SSC5D: variants seen among roughly 807,000 people sequenced by gnomAD.
SSC5D encodes the protein soluble scavenger receptor cysteine-rich domain-containing protein SSC5D.
SSC5D carries 106 observed loss-of-function variants against 104.6 expected under a neutral mutation model. The observed-to-expected ratio is 1.01, with a 90% CI of 0.87 to 1.19. The LOEUF is 1.19. Ranked by LOEUF, SSC5D falls within the 50% of genes most tolerant of loss-of-function variation. The pLI is 0.00. For synonymous variants in SSC5D, 860 were observed against 883.5 expected (o/e 0.97, Z 0.47); for missense variants, 1,993 against 2,153.8 (o/e 0.93, Z 1.48).
At position 55,491,020 on chromosome 19, in the gene SSC5D, C is replaced by T. The variant is rs933559590; in HGVS notation, c.835C>T (p.Arg279Ter). The T allele has an allele frequency of 2.3e-5, 35 of 1,550,076 alleles. No homozygotes were observed. The highest frequency in any genetic ancestry group is 7.9e-5 in the Admixed American group (4 of 50,928). ...AGAACAGGCCCTCCGAGACTGCCCC[C>T]GAAGCCCCTGGGGCCGGAGCAACTG... ...GGEQALRDCPRSPWGRSNCDH... is the reference protein window; with the variant it reads ...GGEQALRDCP Residue 279 changes from arginine (R) to a stop codon, truncating the protein, a stop_gained, in exon 6 of 14, where the codon CGA becomes TGA. Transcript: ENST00000389623. LOFTEE classifies it high-confidence loss of function.
intron 13 of SSC5D, among the ~76,000 whole-genome samples, chr19:55,516,361 G>T (rs997853539): frequency 1.3e-5 from 2 of 152,106 alleles, no homozygotes; most frequent in Admixed American, 6.5e-5. Context: ...GCCTGGTGTG[G>T]TGGCGGGCGC....
At chr19:55,510,941 G>A (rs1987743240) in intron 12 of SSC5D, among the ~76,000 whole-genome samples, 1 of 152,078 alleles carries the variant, frequency 6.6e-6, no homozygotes, top group South Asian at 2.1e-4. Flanking sequence ...ACCATGCCCA[G>A]CTAATTTTTG....
rs61340967 is a variant in SSC5D at position 55,507,665 on chromosome 19, CAAAAAAAAAAA to C, written c.2786-5333_2786-5323del. On this transcript the variant is annotated intron_variant, in intron 12 of 13. Coordinates refer to ENST00000389623, the MANE Select transcript of SSC5D (RefSeq NM_001144950.2). Reference sequence around the variant, plus strand: ...TGGGTGACAGAGCGAGACTCCGTCTCAAAAAAAAAAAAAAAAAAAAAAAGAAAAAAAGAGAC... The same window carrying C: ...TGGGTGACAGAGCGAGACTCCGTCTCAAAAAAAAAAAAGAAAAAAAGAGAC... 6.6e-5 allele frequency among the ~76,000 whole-genome samples: 5 copies of C among 75,966 alleles called. No homozygotes were observed. The South Asian group carries it at 1.7e-3, about 26-fold the overall frequency. The allele number at this position is 75,966 out of a possible 152,430, so 49.8% of individuals were successfully genotyped here.
Position 55,518,802 on chromosome 19 carries a change from A to G in SSC5D, c.4526A>G (p.Gln1509Arg). 1 of 1,550,554 alleles carries G rather than the reference A, an allele frequency of 6.4e-7. No homozygotes were observed. Among genetic ancestry groups the G allele is most frequent in the Non-Finnish European group, 8.7e-7 (1 of 1,146,992 alleles). ...GGTGGTCAGCTGCAGAGACTGACCCAGGTCGTGGAACAGGAGCGGCAGGAG... is the reference window on the plus strand; with the variant it reads ...GGTGGTCAGCTGCAGAGACTGACCCGGGTCGTGGAACAGGAGCGGCAGGAG... Reference protein sequence around the residue: ...DVGGQLQRLTQVVEQERQERQ... With the variant: ...DVGGQLQRLTRVVEQERQERQ... The change falls in exon 14 of 14, where the codon CAG becomes CGG. Residue 1509 changes from glutamine (Q) to arginine (R), a missense_variant. This residue lies in a region of SSC5D where 349 missense variants were observed against 397.6 expected (regional missense o/e 0.88). Coordinates refer to ENST00000389623, the MANE Select transcript of SSC5D (RefSeq NM_001144950.2).
chr19:55,500,249 G>A lies in SSC5D; in HGVS notation c.2139G>A (p.Met713Ile). The A allele has an allele frequency of 6.4e-7, 1 of 1,551,162 alleles. No individual in the cohort carries two copies. The highest frequency in any genetic ancestry group is 8.7e-7 in the Non-Finnish European group (1 of 1,146,896). ...CCCGAGAACGGACCACTAAGACCATGGCAATGCTGACCACTCAAGGCCCCC... is the reference window on the plus strand; with the variant it reads ...CCCGAGAACGGACCACTAAGACCATAGCAATGCTGACCACTCAAGGCCCCC... The part of the protein sequence containing the change: ...QAPRERTTKT[M>I]AMLTTQGPQE... Residue 713 changes from methionine (M) to isoleucine (I), a missense_variant, in exon 10 of 14, where the codon ATG (methionine) becomes ATA (isoleucine). Met to Ile is a conservative substitution (Grantham distance 10, BLOSUM62 1). Transcript: ENST00000389623. The surrounding 1 kb of genome is among the most constrained non-coding windows in gnomAD (Gnocchi z 4.6).
chr19:55,500,580 A>C lies in SSC5D; in HGVS notation c.2393A>C (p.Asp798Ala). Residue 798 changes from aspartate (D) to alanine (A), a missense_variant, in exon 11 of 14, where the codon GAT becomes GCT. Asp to Ala is a moderately radical substitution (Grantham distance 126, BLOSUM62 -2). This residue lies in a region of SSC5D where 70 missense variants were observed against 107.1 expected (regional missense o/e 0.65). Transcript: ENST00000389623. This position sits in a 1 kb window ranked among gnomAD's most constrained non-coding sequence, Gnocchi z 4.6. ...WHAGRWGTVC[D>A]DNWDLRDATV... is the part of the protein sequence containing the mutation. ...GCCGGACGCTGGGGAACAGTGTGTG[A>C]TGACAACTGGGACCTGCGGGACGCC... 6.4e-7 allele frequency: 1 copy of C among 1,551,694 alleles called. No individual in the cohort carries two copies.
chr19:55,488,642 C>CG (rs1173726993), intron 1 of SSC5D, 28 bp downstream of exon 1: 5 of 1,546,760 alleles, frequency 3.2e-6, no homozygotes, highest in Non-Finnish European at 2.6e-6. Context: ...CTTGGGGACT[C>CG]GGGGGGCCTA....
chr19:55,489,317 GC>G, intron 2 of SSC5D, 36 bp from the exon 3 acceptor site: 2 of 1,421,492 alleles, frequency 1.4e-6, no homozygotes, highest in Admixed American at 3.2e-5. Context: ...CCCCCAGGAT[GC>G]CCCTCCCCAG....
chr19:55,490,050 C>A (rs1359443384), intron 4 of SSC5D, 55 bp downstream of exon 4: 17 of 1,328,962 alleles, frequency 1.3e-5, no homozygotes, highest in South Asian at 4.0e-5. Context: ...TCCTGCCCCC[C>A]CCGAGGGGAG....
At position 55,517,237 on chromosome 19, in the gene SSC5D, A is replaced by G. The variant is rs1987891500; in HGVS notation, c.2961A>G (p.Lys987=). 6.5e-7 allele frequency: 1 copy of G among 1,539,292 alleles called. No homozygotes were observed. Among genetic ancestry groups the G allele is most frequent in the Non-Finnish European group, 8.7e-7 (1 of 1,146,064 alleles). The change falls in exon 14 of 14, where the codon AAA becomes AAG. Residue 987 remains lysine, a synonymous_variant. Transcript: ENST00000389623. ...CTCCTCCTCCAGGTTCCCCGAGGAA[A>G]CCGTGGCCCGAGCGCCGGCCACCGC... ...RVHGDTGSPR[K]PWPERRPPRP... is the part of the protein sequence containing the mutation.
chr19:55,491,049 C>G lies in SSC5D; in HGVS notation c.864C>G (p.Asp288Glu). The G allele has an allele frequency of 6.5e-7, 1 of 1,550,220 alleles. No individual in the cohort carries two copies. The highest frequency in any genetic ancestry group is 8.7e-7 in the Non-Finnish European group (1 of 1,146,746). ...GCCCCTGGGGCCGGAGCAACTGTGACCACAGCGAGGATGCGGGGCTGGTCT... is the reference window on the plus strand; with the variant it reads ...GCCCCTGGGGCCGGAGCAACTGTGAGCACAGCGAGGATGCGGGGCTGGTCT... ...PRSPWGRSNC[D>E]HSEDAGLVCT... Residue 288 changes from aspartate (D) to glutamate (E), a missense_variant, in exon 6 of 14, where the codon GAC becomes GAG. Physicochemically the swap from Asp to Glu is conservative, Grantham distance 45 (BLOSUM62 2). Around this residue, in one of 6 missense-constraint regions of SSC5D, gnomAD observed 1,101 missense variants for 1,085.0 expected, o/e 1.01. Transcript: ENST00000389623.
intron 12 of SSC5D, chr19:55,504,269 T>C: frequency 2.0e-6 from 3 of 1,503,716 alleles, no homozygotes; most frequent in African/African-American, 1.4e-5. Flanking sequence ...TCGGGACCCC[T>C]CCCGTAGGGT....
chr19:55,506,373 ATTTTTTTTTTTTTTTTTTT>A (rs869296361), intron 12 of SSC5D, among the ~76,000 whole-genome samples: 46 of 72,066 alleles, frequency 6.4e-4, no homozygotes, highest in East Asian at 1.4e-3. Flanking sequence ...TGGAATTTGG[ATTTTTTTTTTTTTTTTTTT>A]TTTTTTTTTT....
At position 55,517,277 on chromosome 19, in the gene SSC5D, A is replaced by C; in HGVS notation, c.3001A>C (p.Arg1001=). ...ERRPPRPAAT[R]TAPPTPSPGP... ...CCGGCCACCGCGGCCCGCTGCGACC[A>C]GGACAGCGCCCCCAACCCCGTCCCC... The change falls in exon 14 of 14, where the codon AGG becomes CGG. Residue 1001 remains arginine, a synonymous_variant. Transcript: ENST00000389623. 2 of 1,546,868 alleles carry C rather than the reference A, an allele frequency of 1.3e-6. No homozygotes were observed. Among genetic ancestry groups the C allele is most frequent in the Non-Finnish European group, 1.7e-6 (2 of 1,146,612 alleles).
chr19:55,517,179 G>C (rs1467268947), intron 13 of SSC5D, 45 bp from the exon 14 acceptor site: 1 of 1,483,442 alleles, frequency 6.7e-7, no homozygotes, highest in Non-Finnish European at 9.0e-7. Flanking sequence ...GGTGGGCGGA[G>C]CCGGTTGACC....
In SSC5D at chr19:55,489,422, T is replaced by C; in HGVS notation, c.121T>C (p.Trp41Arg). 1 of 1,489,596 alleles carries C rather than the reference T, an allele frequency of 6.7e-7. No individual in the cohort carries two copies. Among genetic ancestry groups the C allele is most frequent in the Middle Eastern group, 1.9e-4 (1 of 5,138 alleles). 92.3% of individuals were successfully genotyped at this position (1,489,596 alleles called of 1,614,324 possible). ...GRLEVWHGGR[W>R]GTVCDDGWDL... ...CCTGGAGGTCTGGCATGGCGGGCGCTGGGGCACCGTGTGTGATGACGGCTG... is the reference window on the plus strand; with the variant it reads ...CCTGGAGGTCTGGCATGGCGGGCGCCGGGGCACCGTGTGTGATGACGGCTG... Residue 41 changes from tryptophan (W) to arginine (R), a missense_variant, in exon 3 of 14, where the codon TGG becomes CGG. This residue lies in a region of SSC5D where 1,101 missense variants were observed against 1,085.0 expected (regional missense o/e 1.01). Coordinates refer to ENST00000389623, the MANE Select transcript of SSC5D (RefSeq NM_001144950.2).
intron 12 of SSC5D, among the ~76,000 whole-genome samples, chr19:55,507,459 G>A (rs1194611281): frequency 1.3e-5 from 2 of 151,386 alleles, no homozygotes; most frequent in Non-Finnish European, 1.5e-5. Flanking sequence ...GAGGTCAGGA[G>A]TTCCAGACCA....
intron 13 of SSC5D, among the ~76,000 whole-genome samples, chr19:55,516,735 T>A (rs993700443): frequency 1.3e-4 from 20 of 149,210 alleles, no homozygotes; most frequent in African/African-American, 5.1e-4. Context: ...ACAGCCAGAC[T>A]TTATCTTAAA....
In SSC5D at chr19:55,488,648, G is replaced by A. The variant is rs376464390; in HGVS notation, c.25+34G>A. 8 of 1,543,626 alleles carry A rather than the reference G, an allele frequency of 5.2e-6. No homozygotes were observed. The Admixed American group carries it at 9.8e-5, about 19-fold the overall frequency. ...TCCATTCTCCTTGGGGACTCGGGGGGCCTAGGCCCCCACCTCTGACCCCTT... is the reference window on the plus strand; with the variant it reads ...TCCATTCTCCTTGGGGACTCGGGGGACCTAGGCCCCCACCTCTGACCCCTT... On this transcript the variant is annotated intron_variant, in intron 1 of 13. Transcript: ENST00000389623.
Sources: allele counts gnomAD v4.1 joint callset (sites outside exome capture counted in the v4.1 genomes callset), GRCh38; gene constraint gnomAD v4.1.1; regional missense constraint gnomAD v4.1.1; non-coding constraint Gnocchi (gnomAD v3.1); transcripts MANE v1.5; gene names NCBI Gene and HGNC (gene_info 2026-07-23, HGNC 2026-07-21).